MAP4: variants seen among roughly 807,000 people sequenced by gnomAD.
MAP4 encodes microtubule associated protein 4, also known as microtubule-associated protein 4.
In MAP4, 76 loss-of-function variants were observed where a neutral mutation model predicts 170.2. The ratio of observed to expected loss-of-function variants is 0.45; its 90% CI spans 0.37 to 0.54. The LOEUF (loss-of-function observed/expected upper bound fraction) is 0.54. Ranked by LOEUF, MAP4 falls within the 20% of genes least tolerant of loss-of-function variation. The pLI is 0.00. For synonymous variants in MAP4, 909 were observed against 994.5 expected, an observed-to-expected ratio of 0.91 and a Z score of 1.62; for missense variants, 2,506 against 2,748.0, an observed-to-expected ratio of 0.91 and a Z score of 1.97.
intron 1 of MAP4, among the ~76,000 whole-genome samples, chr3:48,004,593 G>T (rs973223119): frequency 6.6e-6 from 1 of 152,158 alleles, no homozygotes; most frequent in Non-Finnish European, 1.5e-5. Flanking sequence ...TGAAATTGTG[G>T]AAAAACAGAC....
In MAP4 at chr3:47,910,222, T is replaced by G; in HGVS notation, c.4199A>C (p.Gln1400Pro). The change falls in exon 9 of 21, where the codon CAG (glutamine) becomes CCG (proline). Residue 1400 changes from glutamine to proline, a missense_variant. By Grantham distance (76) the Gln-to-Pro change is moderately conservative (BLOSUM62 -1). Transcript: ENST00000683076. ...IHVPMETTGD[Q>P]GIEGMAYMDE... ...CATATAGGCCATTCCTTCAATTCCC[T>G]GGTCCCCTGTGGTTTCCATGGGAAC... 6.2e-7 allele frequency: 1 copy of G among 1,611,778 alleles called. No individual in the cohort carries two copies. Among genetic ancestry groups the G allele is most frequent in the Non-Finnish European group, 8.5e-7 (1 of 1,179,862 alleles).
chr3:47,900,215 C>G (rs1178625904), intron 10 of MAP4, among the ~76,000 whole-genome samples: 1 of 152,154 alleles, frequency 6.6e-6, no homozygotes, highest in Non-Finnish European at 1.5e-5. Flanking sequence ...AATCTAGTTT[C>G]TTCCCTGGAA....
Position 47,870,856 on chromosome 3 carries a change from A to G in MAP4, c.6251T>C (p.Val2084Ala), listed in dbSNP as rs2090422473. The change falls in exon 15 of 21, where the codon GTT becomes GCT. Residue 2084 changes from valine to alanine, a missense_variant. By Grantham distance (64) the Val-to-Ala change is moderately conservative. This residue lies in a region of MAP4 where 487 missense variants were observed against 511.6 expected (regional missense o/e 0.95). Coordinates refer to ENST00000683076, the MANE Select transcript of MAP4 (RefSeq NM_001385682.1). The part of the protein sequence containing the change: ...APDLKNVRSK[V>A]GSTENIKHQP... Reference sequence around the variant, plus strand: ...ATGCTTGATGTTTTCCGTGGAGCCAACCTTGGAGCGGACATTCTTCAGATC... The same window carrying G: ...ATGCTTGATGTTTTCCGTGGAGCCAGCCTTGGAGCGGACATTCTTCAGATC... 1 of 1,601,550 alleles carries G rather than the reference A, an allele frequency of 6.2e-7. No homozygotes were observed. The highest frequency in any genetic ancestry group is 8.5e-7 in the Non-Finnish European group (1 of 1,172,406).
chr3:47,891,949 G>C (rs750346041), intron 10 of MAP4: 9 of 1,536,170 alleles, frequency 5.9e-6, no homozygotes, highest in Non-Finnish European at 7.8e-6. Context: ...TCCAAACACT[G>C]GTTTCCTGCT....
intron 11 of MAP4, among the ~76,000 whole-genome samples, chr3:47,876,348 G>C (rs550194519): frequency 3.3e-5 from 5 of 152,142 alleles, no homozygotes; most frequent in South Asian, 4.1e-4. Context: ...AGCCAGGATG[G>C]CCTCGATCTC....
intron 3 of MAP4, among the ~76,000 whole-genome samples, chr3:47,951,919 G>A (rs535012186): frequency 3.3e-5 from 5 of 151,482 alleles, no homozygotes; most frequent in African/African-American, 9.7e-5. Context: ...GCCTCTTCCC[G>A]GCCGCCATCC....
intron 1 of MAP4, among the ~76,000 whole-genome samples, chr3:48,053,757 A>G (rs889844152): frequency 1.3e-5 from 2 of 152,182 alleles, no homozygotes; most frequent in Non-Finnish European, 2.9e-5. Flanking sequence ...GAATGTGCAC[A>G]TTACAACCTG....
intron 4 of MAP4, among the ~76,000 whole-genome samples, chr3:47,927,164 A>G (rs565227574): frequency 5.3e-5 from 8 of 151,840 alleles, no homozygotes; most frequent in South Asian, 2.1e-4. Flanking sequence ...GTCTCAAAAA[A>G]AAAAAAAAAA....
chr3:47,977,750 C>T, intron 3 of MAP4, 115 bp downstream of exon 3: 1 of 711,564 alleles, frequency 1.4e-6, no homozygotes, highest in Non-Finnish European at 2.5e-6. Context: ...AGAACACTAC[C>T]ACCCTCAGAA....
chr3:48,039,399 C>A, intron 1 of MAP4: 1 of 154,188 alleles, frequency 6.5e-6, no homozygotes, highest in Non-Finnish European at 1.5e-5. Context: ...GGTCGTCAGT[C>A]ATGCACAATA....
intron 3 of MAP4, among the ~76,000 whole-genome samples, chr3:47,947,856 T>G (rs1008511713): frequency 3.3e-5 from 5 of 149,302 alleles, no homozygotes; most frequent in African/African-American, 1.2e-4. Flanking sequence ...AAAACAAAAA[T>G]CTCTGCTTCT....
intron 3 of MAP4, among the ~76,000 whole-genome samples, chr3:47,945,874 G>C (rs950965983): frequency 2.0e-5 from 3 of 151,564 alleles, no homozygotes; most frequent in Admixed American, 6.6e-5. Flanking sequence ...ACCACACCCA[G>C]CTAATTTTTT....
In MAP4 at chr3:47,869,223, A is replaced by T; in HGVS notation, c.6399T>A (p.Pro2133=). The T allele has an allele frequency of 6.2e-7, 1 of 1,611,308 alleles. No homozygotes were observed. Among genetic ancestry groups the T allele is most frequent in the Non-Finnish European group, 8.5e-7 (1 of 1,177,412 alleles). ...AGPIASAQKQ[P]AGKVQIVSKK... Reference sequence around the variant, plus strand: ...TCTAAATAAAACTCACTTTCCCCGCAGGTTGTTTCTGTGCACTTGCAATTG... The same window carrying T: ...TCTAAATAAAACTCACTTTCCCCGCTGGTTGTTTCTGTGCACTTGCAATTG... The change falls in exon 16 of 21, where the codon CCT becomes CCA. Residue 2133 remains proline (P), a synonymous_variant. Transcript: ENST00000683076.
chr3:48,052,888 A>C (rs1304311482), intron 1 of MAP4, among the ~76,000 whole-genome samples: 1 of 152,176 alleles, frequency 6.6e-6, no homozygotes, highest in African/African-American at 2.4e-5. Flanking sequence ...GAAACTGATA[A>C]CGTGTTAAAT....
intron 4 of MAP4, among the ~76,000 whole-genome samples, chr3:47,926,048 G>C (rs996172938): frequency 6.6e-6 from 1 of 151,288 alleles, no homozygotes; most frequent in Non-Finnish European, 1.5e-5. Context: ...TAGAGATGGG[G>C]TTTCACCATG....
intron 1 of MAP4, among the ~76,000 whole-genome samples, chr3:48,052,851 C>T (rs1031749594): frequency 1.3e-5 from 2 of 152,144 alleles, no homozygotes; most frequent in African/African-American, 4.8e-5. Flanking sequence ...GTGCACTACC[C>T]AATGGTTAAC....
intron 3 of MAP4, among the ~76,000 whole-genome samples, chr3:47,970,252 G>A (rs374492234): frequency 3.9e-5 from 6 of 152,290 alleles, no homozygotes; most frequent in African/African-American, 1.2e-4. Flanking sequence ...TTGGGAGGCC[G>A]AGGTGGGTGG....
At chr3:47,896,149 G>C (rs537319494) in intron 10 of MAP4, among the ~76,000 whole-genome samples, 2 of 152,306 alleles carry the variant, frequency 1.3e-5, no homozygotes, top group African/African-American at 2.4e-5. Flanking sequence ...TAGCCGTGAG[G>C]ATTGAGGGAA....
Position 47,911,013 on chromosome 3 carries a change from T to C in MAP4, c.3408A>G (p.Ala1136=), listed in dbSNP as rs1235820110. 3 of 1,536,212 alleles carry C rather than the reference T, an allele frequency of 2.0e-6. No individual in the cohort carries two copies. The highest frequency in any genetic ancestry group is 3.9e-5 in the Admixed American group (2 of 50,998). Residue 1136 remains alanine (A), a synonymous_variant, in exon 9 of 21, where the codon GCA becomes GCG. Coordinates refer to ENST00000683076, the MANE Select transcript of MAP4 (RefSeq NM_001385682.1). The surrounding 1 kb of genome is among the most constrained non-coding windows in gnomAD (Gnocchi z 4.0). ...QPGTKADLTE[A]VVMGEPKEMT... is the part of the protein sequence containing the mutation. The stretch of plus-strand genomic sequence containing the variant: ...TCTCTTTAGGCTCCCCCATCACCAC[T>C]GCCTCCGTGAGATCAGCCTTAGTGC...
Sources: gnomAD v4.1 joint callset for allele counts (sites outside exome capture counted in the v4.1 genomes callset) on GRCh38, gnomAD v4.1.1 for gene constraint, gnomAD v4.1.1 regional missense constraint, Gnocchi (gnomAD v3.1) non-coding constraint, MANE v1.5 for transcripts, NCBI Gene and HGNC (gene_info 2026-07-23, HGNC 2026-07-21) for gene names.